Variants in ZFP62 observed in about 807,000 individuals in gnomAD.
ZFP62 encodes the protein zinc finger protein 62 homolog.
A neutral mutation model predicts 56.4 loss-of-function variants in ZFP62; 44 were observed. That is an observed-to-expected ratio of 0.78 (90% confidence interval 0.61 to 1.00). The LOEUF is 1.00. ZFP62 is among the 50% of genes least tolerant of loss of function. The pLI, the probability that ZFP62 is intolerant of heterozygous loss-of-function variation, is 0.00. For synonymous variants in ZFP62, 421 were observed against 388.9 expected (o/e 1.08, Z -0.97); for missense variants, 1,030 against 1,085.7 (o/e 0.95, Z 0.72).
intron 1 of ZFP62, among the ~76,000 whole-genome samples, chr5:180,859,200 C>T (rs1360439070): frequency 6.6e-6 from 1 of 152,208 alleles, no homozygotes; most frequent in African/African-American, 2.4e-5. Context: ...AGAGTCCAAC[C>T]ATATTCCACA....
At chr5:180,833,260 C>CACG in the ZFP62 span, among the ~76,000 whole-genome samples, 5 of 152,050 alleles carry the variant, frequency 3.3e-5, no homozygotes, top group Admixed American at 6.5e-5. Context: ...GTGGGCGGAT[C>CACG]ACGAGGTCAA....
chr5:180,852,026 A>C, intron 1 of ZFP62: 1 of 986,776 alleles, frequency 1.0e-6, no homozygotes, highest in Non-Finnish European at 1.2e-6. Context: ...TGAAACCATG[A>C]AGACAGTTAC....
chr5:180,850,907 C>T lies in ZFP62; in HGVS notation c.588G>A (p.Pro196=), dbSNP rs375440254. Reference sequence around the variant, plus strand: ...CTTTCCCACATTCCTCACACTTGTACGGCTTCTCCCCAGTGTGGATCCGTT... The same window carrying T: ...CTTTCCCACATTCCTCACACTTGTATGGCTTCTCCCCAGTGTGGATCCGTT... The part of the protein sequence containing the change: ...VHKRIHTGEK[P]YKCEECGKAY... Residue 196 remains proline, a synonymous_variant, in exon 2 of 2, where the codon CCG becomes CCA. Transcript: ENST00000502412. 95 of 1,563,492 alleles carry T rather than the reference C, an allele frequency of 6.1e-5. No individual in the cohort carries two copies. The highest frequency in any genetic ancestry group is 3.6e-4 in the African/African-American group (26 of 73,058).
intron 1 of ZFP62, among the ~76,000 whole-genome samples, chr5:180,857,813 T>A (rs1001042301): frequency 5.6e-5 from 7 of 125,606 alleles, no homozygotes; most frequent in African/African-American, 1.2e-4. Flanking sequence ...TTTTTTTTTT[T>A]AAATTCAGAC....
At chr5:180,859,311 G>C (rs1233356831) in intron 1 of ZFP62, among the ~76,000 whole-genome samples, 1 of 152,204 alleles carries the variant, frequency 6.6e-6, no homozygotes, top group Non-Finnish European at 1.5e-5. Context: ...AACAAGACAA[G>C]AGAAAGTGAC....
intron 1 of ZFP62, among the ~76,000 whole-genome samples, chr5:180,860,060 C>T (rs1561912129): frequency 1.3e-5 from 2 of 152,146 alleles, no homozygotes; most frequent in South Asian, 4.1e-4. Context: ...TAAAACAAAA[C>T]GAAACAAAAC....
chr5:180,846,676 G>C (rs1773420399), downstream of ZFP62, among the ~76,000 whole-genome samples: 1 of 152,114 alleles, frequency 6.6e-6, no homozygotes, highest in Non-Finnish European at 1.5e-5. Context: ...CTCTTGGTTG[G>C]TCCTAGTCGC....
chr5:180,827,030 G>T, the ZFP62 span, among the ~76,000 whole-genome samples: 1 of 152,184 alleles, frequency 6.6e-6, no homozygotes, highest in Non-Finnish European at 1.5e-5. Context: ...CTCAAACTGT[G>T]GAGAAGCTCA....
intron 1 of ZFP62, among the ~76,000 whole-genome samples, chr5:180,859,132 G>A (rs1774166977): frequency 6.6e-6 from 1 of 152,190 alleles, no homozygotes; most frequent in East Asian, 1.9e-4. Context: ...GCCTGCTCTG[G>A]CCGAAAACCC....
the ZFP62 span, among the ~76,000 whole-genome samples, chr5:180,840,997 G>GT: frequency 1.3e-5 from 2 of 152,058 alleles, no homozygotes; most frequent in South Asian, 2.1e-4. Context: ...TTGTGCTGAG[G>GT]TTTTTTTGTT....
In ZFP62 at chr5:180,849,294, C is replaced by T; in HGVS notation, c.2201G>A (p.Cys734Tyr). ...LGEKPFKCVECGKSFSYSSLL... is the reference protein window; with the variant it reads ...LGEKPFKCVEYGKSFSYSSLL... ...AGAGCTGTAACTGAAAGATTTCCCA[C>T]ACTCAACACACTTGAAGGGTTTCTC... The change falls in exon 2 of 2, where the codon TGT becomes TAT. Residue 734 changes from cysteine (C) to tyrosine (Y), a missense_variant. Cys to Tyr is a radical substitution (Grantham distance 194). Coordinates refer to ENST00000502412, the MANE Select transcript of ZFP62 (RefSeq NM_001172638.2). The T allele has an allele frequency of 6.4e-7, 1 of 1,552,606 alleles. No homozygotes were observed. Among genetic ancestry groups the T allele is most frequent in the Non-Finnish European group, 8.7e-7 (1 of 1,147,376 alleles).
At position 180,850,866 on chromosome 5, in the gene ZFP62, G is replaced by C; in HGVS notation, c.629C>G (p.Ser210Cys). 1 of 1,564,324 alleles carries C rather than the reference G, an allele frequency of 6.4e-7. No homozygotes were observed. The highest frequency in any genetic ancestry group is 8.7e-7 in the Non-Finnish European group (1 of 1,154,628). Residue 210 changes from serine (S) to cysteine (C), a missense_variant, in exon 2 of 2, where the codon TCC (serine) becomes TGC (cysteine). Transcript: ENST00000502412. ...EECGKAYMSY[S>C]SLINHKSTHS... ...GGTGCTTTTGTGGTTTATAAGGCTG[G>C]AGTAGGACATGTAGGCTTTCCCACA...
At chr5:180,835,671 T>G in the ZFP62 span, 3 of 152,238 alleles carry the variant, frequency 2.0e-5, no homozygotes, top group Non-Finnish European at 4.4e-5. Flanking sequence ...TACTTACTAT[T>G]TGTACTTGAA....
chr5:180,831,576 G>C, the ZFP62 span: 1 of 152,394 alleles, frequency 6.6e-6, no homozygotes, highest in South Asian at 2.1e-4. Flanking sequence ...CGCCAAGCGC[G>C]GGTCTCGCGG....
downstream of ZFP62, among the ~76,000 whole-genome samples, chr5:180,842,991 C>T (rs142017334): frequency 1.9e-4 from 28 of 147,920 alleles, no homozygotes; most frequent in East Asian, 4.2e-3. Context: ...TGCAGTGAGC[C>T]GAGATTTTGC....
Position 180,850,647 on chromosome 5 carries a change from C to T in ZFP62, c.848G>A (p.Cys283Tyr). 1.3e-6 allele frequency: 2 copies of T among 1,583,154 alleles called. No individual in the cohort carries two copies. The highest frequency in any genetic ancestry group is 1.7e-6 in the Non-Finnish European group (2 of 1,164,370). ...RIHTGEKPYE[C>Y]DICGKTFSNS... is the part of the protein sequence containing the mutation. The stretch of plus-strand genomic sequence containing the variant: ...ACTGAAGGTTTTCCCACAGATGTCG[C>T]ATTCATAGGGCTTCTCCCCCGTGTG... The change falls in exon 2 of 2, where the codon TGC (cysteine) becomes TAC (tyrosine). Residue 283 changes from cysteine (C) to tyrosine (Y), a missense_variant. By Grantham distance (194) the Cys-to-Tyr change is radical (BLOSUM62 -2). Coordinates refer to ENST00000502412, the MANE Select transcript of ZFP62 (RefSeq NM_001172638.2).
chr5:180,837,480 A>G, the ZFP62 span, among the ~76,000 whole-genome samples: 137 of 152,342 alleles, frequency 9.0e-4, no homozygotes, highest in African/African-American at 3.2e-3. Context: ...AGATGTCGGC[A>G]GTGAGGGTGG....
chr5:180,850,719 CCA>C lies in ZFP62; in HGVS notation c.774_775del (p.Cys258TrpfsTer24), dbSNP rs1561904681. 6.2e-7 allele frequency: 1 copy of C among 1,606,610 alleles called. No homozygotes were observed. Among genetic ancestry groups the C allele is most frequent in the African/African-American group, 1.3e-5 (1 of 74,824 alleles). ...CCCAGAGCTGTTCCTGAAGGCCTTC[CCA>C]CACTCACCACATTCATAGGGCTTCT... is the stretch of plus-strand genomic sequence containing the variant. On this transcript the variant is annotated frameshift_variant, in exon 2 of 2. Coordinates refer to ENST00000502412, the MANE Select transcript of ZFP62 (RefSeq NM_001172638.2). LOFTEE classifies it high-confidence loss of function.
At chr5:180,828,611 T>C in the ZFP62 span, among the ~76,000 whole-genome samples, 1 of 152,256 alleles carries the variant, frequency 6.6e-6, no homozygotes, top group Admixed American at 6.5e-5. Context: ...AAGCTGAGCA[T>C]GTATGTCACC....
Sources: gnomAD v4.1 joint callset for allele counts (sites outside exome capture counted in the v4.1 genomes callset) on GRCh38, gnomAD v4.1.1 for gene constraint, MANE v1.5 for transcripts, NCBI Gene and HGNC (gene_info 2026-07-23, HGNC 2026-07-21) for gene names.